Variants in HS3ST1 observed in about 807,000 individuals in gnomAD.
The protein encoded by HS3ST1 is heparan sulfate glucosamine 3-O-sulfotransferase 1.
Under a neutral mutation model 20.7 loss-of-function variants are expected in HS3ST1, and 8 were observed. That is an observed-to-expected ratio of 0.39 (90% CI 0.23 to 0.70). The LOEUF is 0.70. HS3ST1 is among the 30% of genes least tolerant of loss of function. HS3ST1 has a pLI of 0.46. For missense variants in HS3ST1, 436 were observed against 423.4 expected (o/e 1.03, Z -0.26); for synonymous variants, 205 against 190.4 (o/e 1.08, Z -0.63).
chr4:11,428,218 GA>G (rs1719114431), intron 1 of HS3ST1, among the ~76,000 whole-genome samples: 1 of 152,204 alleles, frequency 6.6e-6, no homozygotes, highest in Non-Finnish European at 1.5e-5. Context: ...AGGCAAACCC[GA>G]CCAAGGCTTC....
chr4:11,418,775 C>T (rs1327386779), intron 1 of HS3ST1, among the ~76,000 whole-genome samples: 1 of 152,188 alleles, frequency 6.6e-6, no homozygotes, highest in Non-Finnish European at 1.5e-5. Flanking sequence ...TGGCCTGTCC[C>T]TCCACAAGAT....
upstream of HS3ST1, among the ~76,000 whole-genome samples, chr4:11,430,096 T>C (rs1246539990): frequency 3.3e-5 from 5 of 152,180 alleles, no homozygotes; most frequent in African/African-American, 1.2e-4. Context: ...CTATAGGAAA[T>C]TGGCCCTTTA....
At chr4:11,410,918 T>A (rs1157445068) in intron 1 of HS3ST1, among the ~76,000 whole-genome samples, 4 of 129,056 alleles carry the variant, frequency 3.1e-5, no homozygotes, top group African/African-American at 5.8e-5. Context: ...AATAAATAAA[T>A]AAAAAAGTAG....
At chr4:11,404,265 G>A (rs970759217) in intron 1 of HS3ST1, among the ~76,000 whole-genome samples, 2 of 152,102 alleles carry the variant, frequency 1.3e-5, no homozygotes, top group East Asian at 1.9e-4. Context: ...GGTCAGACTG[G>A]TCTCGAACTC....
intron 1 of HS3ST1, among the ~76,000 whole-genome samples, chr4:11,415,866 G>A (rs1024677929): frequency 1.3e-5 from 2 of 152,164 alleles, no homozygotes; most frequent in Non-Finnish European, 2.9e-5. Context: ...GGGCCCACTG[G>A]TCTATGTCAC....
At chr4:11,433,099 C>A (rs1201991856), upstream of HS3ST1, among the ~76,000 whole-genome samples, 5 of 152,246 alleles carry the variant, frequency 3.3e-5, no homozygotes, top group African/African-American at 1.2e-4. Flanking sequence ...AAAATTATAT[C>A]TTATGATTAC....
intron 1 of HS3ST1, among the ~76,000 whole-genome samples, chr4:11,428,091 G>C (rs1719107798): frequency 6.6e-6 from 1 of 151,806 alleles, no homozygotes; most frequent in Admixed American, 6.5e-5. Context: ...TCAGTAAAAA[G>C]TAACAAGAAA....
At chr4:11,407,659 A>C (rs926095602) in intron 1 of HS3ST1, among the ~76,000 whole-genome samples, 6 of 152,230 alleles carry the variant, frequency 3.9e-5, no homozygotes, top group Non-Finnish European at 8.8e-5. Context: ...GATCTGGATA[A>C]AAAATTCGCA....
At chr4:11,428,197 A>G (rs539463623) in intron 1 of HS3ST1, among the ~76,000 whole-genome samples, 1 of 152,376 alleles carries the variant, frequency 6.6e-6, no homozygotes, top group East Asian at 1.9e-4. Context: ...CCTATCTCCA[A>G]CCAAATGCAA....
intron 1 of HS3ST1, among the ~76,000 whole-genome samples, chr4:11,417,929 T>C (rs1718827959): frequency 6.6e-6 from 1 of 152,236 alleles, no homozygotes; most frequent in Non-Finnish European, 1.5e-5. Flanking sequence ...GTTACCATAT[T>C]CGATTCATTT....
At chr4:11,432,368 CA>C (rs1018837994), upstream of HS3ST1, among the ~76,000 whole-genome samples, 5 of 152,138 alleles carry the variant, frequency 3.3e-5, no homozygotes, top group Non-Finnish European at 5.9e-5. Flanking sequence ...TCTTTATCCA[CA>C]AAGGAAATTG....
At chr4:11,434,197 A>G (rs1427768374), upstream of HS3ST1, among the ~76,000 whole-genome samples, 2 of 152,236 alleles carry the variant, frequency 1.3e-5, no homozygotes, top group Non-Finnish European at 2.9e-5. Flanking sequence ...TTACAATGAC[A>G]CTTATAAGAA....
Position 11,401,733 on chromosome 4 carries a change from A to G in HS3ST1, c.-108-1620T>C, listed in dbSNP as rs1468047928. 7.9e-5 allele frequency among the ~76,000 whole-genome samples: 12 copies of G among 152,198 alleles called. No individual in the cohort carries two copies. The East Asian group carries it at 2.3e-3, about 29-fold the overall frequency. Reference sequence around the variant, plus strand: ...ATTTAGAGCCCAAATTGAAAACTCTAAACTCAGTGTTCTTTATCCACAAAC... The same window carrying G: ...ATTTAGAGCCCAAATTGAAAACTCTGAACTCAGTGTTCTTTATCCACAAAC... On this transcript the variant is annotated intron_variant, in intron 1 of 1. Coordinates refer to ENST00000002596, the MANE Select transcript of HS3ST1 (RefSeq NM_005114.4).
chr4:11,414,263 A>G (rs190940713), intron 1 of HS3ST1: 2 of 152,302 alleles, frequency 1.3e-5, no homozygotes, highest in Admixed American at 6.5e-5. Flanking sequence ...TCTCCTTTCA[A>G]GAGGGGCCTG....
At chr4:11,416,285 G>A (rs375791388) in intron 1 of HS3ST1, among the ~76,000 whole-genome samples, 10 of 151,878 alleles carry the variant, frequency 6.6e-5, no homozygotes, top group Admixed American at 2.6e-4. Flanking sequence ...TCCTTTCATC[G>A]CCCCTCACCA....
intron 1 of HS3ST1, among the ~76,000 whole-genome samples, chr4:11,405,105 C>A (rs911001182): frequency 1.3e-5 from 2 of 152,200 alleles, no homozygotes; most frequent in African/African-American, 4.8e-5. Context: ...ATAGTTGTGC[C>A]TTGCACCAAT....
intron 1 of HS3ST1, among the ~76,000 whole-genome samples, chr4:11,426,373 C>CCT (rs397734421): frequency 6.0e-5 from 9 of 151,212 alleles, no homozygotes; most frequent in Admixed American, 3.9e-4. Context: ...GCCCCCCCCC[C>CCT]AACCCTCACA....
At chr4:11,422,278 C>T (rs1419497707) in intron 1 of HS3ST1, among the ~76,000 whole-genome samples, 2 of 152,204 alleles carry the variant, frequency 1.3e-5, no homozygotes, top group African/African-American at 4.8e-5. Context: ...TCCTAACTCC[C>T]CCAGACAGAA....
rs536013572 is a variant in HS3ST1, at chr4:11,396,482, A to G, written c.*2600T>C. ...CTTCCACTGACACCTGTCTCTGTTA[A>G]TGGAATTGGTAGAAGGCATGTTTTG... On this transcript the variant is annotated 3_prime_UTR_variant, in exon 2 of 2. Transcript: ENST00000002596. The G allele has an allele frequency of 1.5e-4, 23 of 152,330 alleles. No homozygotes were observed. The highest frequency in any genetic ancestry group is 5.3e-4 in the African/African-American group (22 of 41,558). 9.4% of individuals were successfully genotyped at this position (152,330 alleles called of 1,614,324 possible).
Sources: allele counts gnomAD v4.1 joint callset (sites outside exome capture counted in the v4.1 genomes callset), GRCh38; gene constraint gnomAD v4.1.1; transcripts MANE v1.5; gene names NCBI Gene and HGNC (gene_info 2026-07-23, HGNC 2026-07-21).